The following TMPRSS9 variants were observed in gnomAD, a reference collection of about 807,000 sequenced individuals.
TMPRSS9 encodes the protein transmembrane protease serine 9.
In TMPRSS9, 113 loss-of-function variants were observed where a neutral mutation model predicts 111.4. The ratio of observed to expected loss-of-function variants is 1.01; its 90% CI spans 0.87 to 1.19. The LOEUF is 1.19. Ranked by LOEUF, TMPRSS9 falls within the 50% of genes most tolerant of loss-of-function variation. The probability of loss-of-function intolerance (pLI) is 0.00; values close to 1 mark genes in which losing one functional copy is unlikely to be tolerated. For synonymous variants in TMPRSS9, 805 were observed against 659.1 expected (o/e 1.22, Z -3.39); for missense variants, 1,803 against 1,513.1 (o/e 1.19, Z -3.18).
intron 9 of TMPRSS9, among the ~76,000 whole-genome samples, chr19:2,411,199 C>T (rs1971086583): frequency 7.1e-6 from 1 of 140,294 alleles, no homozygotes; most frequent in Non-Finnish European, 1.5e-5. Context: ...CCTCGGGTGG[C>T]TGAGGCAGGA....
At chr19:2,400,507 A>C (rs535843991) in intron 4 of TMPRSS9, among the ~76,000 whole-genome samples, 12 of 151,930 alleles carry the variant, frequency 7.9e-5, no homozygotes, top group Non-Finnish European at 1.8e-4. Flanking sequence ...GCACTACTGC[A>C]CTCCAGCCTG....
intron 4 of TMPRSS9, among the ~76,000 whole-genome samples, chr19:2,400,396 G>A: frequency 6.6e-6 from 1 of 151,974 alleles, no homozygotes; most frequent in Non-Finnish European, 1.5e-5. Flanking sequence ...ACAAAAATGA[G>A]CTGGGTGTGG....
At chr19:2,368,585 G>A (rs1434338014) in intron 1 of TMPRSS9, among the ~76,000 whole-genome samples, 2 of 151,964 alleles carry the variant, frequency 1.3e-5, no homozygotes, top group Admixed American at 1.3e-4. Context: ...TCTCCCTGAG[G>A]CTTCCCGTTG....
At chr19:2,408,424 C>T in exon 8 of TMPRSS9, 5 of 1,613,832 alleles carry the variant, frequency 3.1e-6, no homozygotes, top group Non-Finnish European at 4.2e-6. Context: ...GAGGCCAGCA[C>T]CGTGCGGGCC....
Position 2,368,774 on chromosome 19 carries a change from G to GTTTTTT in TMPRSS9, c.-26+8436_-26+8441dup, listed in dbSNP as rs762761358. Among the ~76,000 whole-genome samples the GTTTTTT allele has an allele frequency of 3.6e-3, 254 of 70,372 alleles. 40 individuals are homozygous for GTTTTTT. Among genetic ancestry groups the GTTTTTT allele is most frequent in the African/African-American group, 0.012 (204 of 16,546 alleles). The allele number at this position is 70,372 out of a possible 152,430, so 46.2% of individuals were successfully genotyped here. A position where few individuals can be genotyped will look rare whatever the true frequency, so the allele number is the denominator to read the frequency against. On this transcript the variant is annotated intron_variant, in intron 1 of 17. Transcript: ENST00000649857. ...TGCCAGGGCATCAAGGATAAACCCA[G>GTTTTTT]TTTTTTTTTTTTTTTTTTTTTTTTT...
At position 2,402,991 on chromosome 19, in the gene TMPRSS9, G is replaced by A. The variant is rs16991119; in HGVS notation, c.557-91G>A. ...GGAGAGAGAGAGTTTCCACATTTCC[G>A]TACCCTGGTGGTACTAAGTATAGCA... On this transcript the variant is annotated intron_variant, in intron 5 of 17. Coordinates refer to ENST00000648592, the Ensembl canonical transcript of TMPRSS9. 6,262 of 887,086 alleles carry A rather than the reference G, an allele frequency of 7.1e-3. 227 individuals carry two copies. In the African/African-American group the frequency reaches 0.088, roughly 12 times the overall value. The allele number at this position is 887,086 out of a possible 1,614,324, so 55.0% of individuals were successfully genotyped here. A position where few individuals can be genotyped will look rare whatever the true frequency, so the allele number is the denominator to read the frequency against.
chr19:2,405,499 A>G (rs762363981), exon 7 of TMPRSS9: 31 of 1,604,214 alleles, frequency 1.9e-5, no homozygotes, highest in Non-Finnish European at 2.6e-5. Context: ...TGGGGCCGCC[A>G]TCATCAACGC....
intron 9 of TMPRSS9, among the ~76,000 whole-genome samples, chr19:2,412,333 G>T (rs943217115): frequency 1.1e-4 from 16 of 152,146 alleles, no homozygotes; most frequent in Non-Finnish European, 1.5e-4. Flanking sequence ...GAGCCCAGGA[G>T]GTGGAGGTTG....
At chr19:2,414,861 G>A (rs566910176) in intron 10 of TMPRSS9, among the ~76,000 whole-genome samples, 1 of 144,406 alleles carries the variant, frequency 6.9e-6, no homozygotes, top group African/African-American at 2.7e-5. Context: ...GGCAACAAGA[G>A]CACAACTCCA....
chr19:2,372,412 C>T (rs1970298765), intron 1 of TMPRSS9, among the ~76,000 whole-genome samples: 1 of 152,144 alleles, frequency 6.6e-6, no homozygotes, highest in Non-Finnish European at 1.5e-5. Flanking sequence ...GGCTTCCTCC[C>T]ACCTCAAGGT....
At chr19:2,385,774 C>T (rs968175794), upstream of TMPRSS9, among the ~76,000 whole-genome samples, 1 of 152,074 alleles carries the variant, frequency 6.6e-6, no homozygotes, top group Admixed American at 6.6e-5. Flanking sequence ...TCGTTTGAGC[C>T]TGCGAGGTAG....
chr19:2,416,251 C>G, intron 11 of TMPRSS9: 2 of 482,862 alleles, frequency 4.1e-6, no homozygotes, highest in Non-Finnish European at 7.3e-6. Context: ...AAAAAAGAGA[C>G]TCATAAAGCT....
At chr19:2,370,787 G>C (rs1599996) in intron 1 of TMPRSS9, among the ~76,000 whole-genome samples, 9 of 151,552 alleles carry the variant, frequency 5.9e-5, no homozygotes, top group African/African-American at 2.2e-4. Flanking sequence ...GCAAGACCTC[G>C]TCTCTACAAA....
chr19:2,398,305 A>G (rs987905935), intron 2 of TMPRSS9, among the ~76,000 whole-genome samples: 1 of 149,344 alleles, frequency 6.7e-6, no homozygotes, highest in African/African-American at 2.5e-5. Context: ...CAAAATAATA[A>G]TAATAATAAA....
chr19:2,408,445 A>C (rs754992041), exon 8 of TMPRSS9: 1 of 1,613,946 alleles, frequency 6.2e-7, no homozygotes, highest in Non-Finnish European at 8.5e-7. Flanking sequence ...CAGGTGGTCC[A>C]GATCGTCAAG....
At chr19:2,405,388 C>G (rs779433989) in exon 7 of TMPRSS9, 2 of 1,601,094 alleles carry the variant, frequency 1.2e-6, no homozygotes, top group Non-Finnish European at 1.7e-6. Flanking sequence ...TGGCTTGCAG[C>G]CTGCCTGGAG....
At chr19:2,388,367 C>T (rs1970517098), upstream of TMPRSS9, among the ~76,000 whole-genome samples, 1 of 151,968 alleles carries the variant, frequency 6.6e-6, no homozygotes, top group Non-Finnish European at 1.5e-5. Context: ...GCCTGGGCAA[C>T]AGAGAAAGAC....
At chr19:2,413,566 C>A in intron 9 of TMPRSS9, 134 bp from the exon 11 acceptor site, 2 of 979,194 alleles carry the variant, frequency 2.0e-6, no homozygotes, top group South Asian at 3.2e-5. Flanking sequence ...AATGATCAGC[C>A]CCAGGTGCTC....
At chr19:2,418,371 C>T (rs1251593233) in intron 13 of TMPRSS9, among the ~76,000 whole-genome samples, 3 of 53,004 alleles carry the variant, frequency 5.7e-5, no homozygotes, top group African/African-American at 1.8e-4. Context: ...CCCTTCCCTT[C>T]CCTCCCTCCC....
Sources: allele counts gnomAD v4.1 joint callset (sites outside exome capture counted in the v4.1 genomes callset), GRCh38; gene constraint gnomAD v4.1.1; transcripts MANE v1.5; gene names NCBI Gene and HGNC (gene_info 2026-07-23, HGNC 2026-07-21).